PRKCI: variants seen among roughly 807,000 people sequenced by gnomAD.
PRKCI encodes protein kinase C iota type.
In PRKCI, 43 loss-of-function variants were observed where a neutral mutation model predicts 84.0. That is an observed-to-expected ratio of 0.51 (90% CI 0.40 to 0.66). PRKCI has a LOEUF of 0.66. Among genes scored for constraint, PRKCI ranks in the 30% least tolerant of loss-of-function variants. PRKCI has a pLI of 0.00. For synonymous variants in PRKCI, 216 were observed against 234.4 expected, an observed-to-expected ratio of 0.92 and a Z score of 0.72; for missense variants, 459 against 745.6, an observed-to-expected ratio of 0.62 and a Z score of 4.48.
At chr3:170,303,000 C>A in intron 17 of PRKCI, 40 bp from the exon 18 acceptor site, 1 of 1,413,610 alleles carries the variant, frequency 7.1e-7, no homozygotes, top group Non-Finnish European at 9.8e-7. Context: ...TTGAAGAAAT[C>A]TTGATTATGA....
At chr3:170,240,216 A>T (rs1387541250) in intron 2 of PRKCI, among the ~76,000 whole-genome samples, 1 of 152,210 alleles carries the variant, frequency 6.6e-6, no homozygotes, top group African/African-American at 2.4e-5. Context: ...AGAGGCTAGC[A>T]ACAAGCCTTT....
intron 1 of PRKCI, among the ~76,000 whole-genome samples, chr3:170,226,982 G>A (rs565371587): frequency 1.3e-5 from 2 of 152,306 alleles, no homozygotes; most frequent in East Asian, 1.9e-4. Flanking sequence ...TCAGCACTGG[G>A]AACTGAAGCT....
At chr3:170,272,669 G>T (rs771358686) in intron 6 of PRKCI, among the ~76,000 whole-genome samples, 1 of 152,162 alleles carries the variant, frequency 6.6e-6, no homozygotes, top group Non-Finnish European at 1.5e-5. Context: ...TATCATTAAT[G>T]TTCTTTCTCA....
At chr3:170,262,832 C>CTTTTTT (rs748452040) in intron 3 of PRKCI, among the ~76,000 whole-genome samples, 1 of 133,022 alleles carries the variant, frequency 7.5e-6, no homozygotes, top group African/African-American at 2.8e-5. Context: ...TTCTTTCTTT[C>CTTTTTT]TTTTTTTTTT....
chr3:170,259,059 G>T (rs955026755), intron 2 of PRKCI, among the ~76,000 whole-genome samples: 1 of 151,944 alleles, frequency 6.6e-6, no homozygotes, highest in South Asian at 2.1e-4. Flanking sequence ...CAGGAGAATC[G>T]CTTGAACCCA....
chr3:170,241,339 C>T (rs570966129), intron 2 of PRKCI, among the ~76,000 whole-genome samples: 1 of 152,184 alleles, frequency 6.6e-6, no homozygotes, highest in Admixed American at 6.5e-5. Flanking sequence ...CCTCCTTTCT[C>T]TATCTAACCC....
chr3:170,236,809 C>T (rs1279105416), intron 2 of PRKCI, among the ~76,000 whole-genome samples: 1 of 151,162 alleles, frequency 6.6e-6, no homozygotes, highest in Non-Finnish European at 1.5e-5. Context: ...TGAAGATGGG[C>T]CCTGATTGTG....
At chr3:170,267,675 CAAAAAA>C (rs1169448041) in intron 4 of PRKCI, among the ~76,000 whole-genome samples, 1 of 52,980 alleles carries the variant, frequency 1.9e-5, no homozygotes, top group Non-Finnish European at 4.2e-5. Context: ...TCCATCTCAC[CAAAAAA>C]AAAAAAAAAA....
chr3:170,268,429 G>A (rs1330617290), intron 5 of PRKCI, among the ~76,000 whole-genome samples: 3 of 147,828 alleles, frequency 2.0e-5, no homozygotes, highest in East Asian at 4.0e-4. Context: ...GCAGTGAGCC[G>A]AGATTGTGCC....
intron 4 of PRKCI, among the ~76,000 whole-genome samples, chr3:170,265,393 G>C (rs1733834348): frequency 6.6e-6 from 1 of 152,104 alleles, no homozygotes; most frequent in Non-Finnish European, 1.5e-5. Flanking sequence ...TACTATTAAT[G>C]AGATGAACTA....
intron 8 of PRKCI, among the ~76,000 whole-genome samples, chr3:170,278,216 T>C (rs1367216078): frequency 3.3e-5 from 5 of 152,252 alleles, no homozygotes; most frequent in African/African-American, 4.8e-5. Context: ...CACTTGATTC[T>C]CTCTTATAGT....
intron 8 of PRKCI, among the ~76,000 whole-genome samples, chr3:170,277,068 C>T (rs1734132834): frequency 1.4e-5 from 2 of 146,916 alleles, no homozygotes. Flanking sequence ...TAGTGAAACC[C>T]CATGTCTACT....
intron 11 of PRKCI, among the ~76,000 whole-genome samples, chr3:170,283,527 G>A (rs1003578357): frequency 2.6e-5 from 4 of 152,064 alleles, no homozygotes; most frequent in Admixed American, 1.3e-4. Context: ...TTGTTTTGGT[G>A]TTCATTTATG....
In PRKCI at chr3:170,304,878, T is replaced by C. The variant is rs1734916903; in HGVS notation, c.*1751T>C. ...TAAATTTCAAATGTTTTAAAATTTG[T>C]AGGCATTTAATAAATTATCTTTTTT... On this transcript the variant is annotated 3_prime_UTR_variant, in exon 18 of 18. Transcript: ENST00000295797. 1 of 152,206 alleles carries C rather than the reference T, an allele frequency of 6.6e-6. No individual in the cohort carries two copies. The highest frequency in any genetic ancestry group is 1.5e-5 in the Non-Finnish European group (1 of 68,038). 9.4% of individuals were successfully genotyped at this position (152,206 alleles called of 1,614,324 possible).
intron 16 of PRKCI, among the ~76,000 whole-genome samples, chr3:170,298,746 G>A (rs1734748380): frequency 6.6e-6 from 1 of 152,124 alleles, no homozygotes; most frequent in Admixed American, 6.6e-5. Flanking sequence ...TTGCTATGTT[G>A]TCTGGGCTGG....
chr3:170,265,978 T>C (rs1733849443), intron 4 of PRKCI, among the ~76,000 whole-genome samples: 1 of 152,200 alleles, frequency 6.6e-6, no homozygotes, highest in Non-Finnish European at 1.5e-5. Flanking sequence ...GCATTGCAAC[T>C]GGTCTTTAGT....
At chr3:170,262,115 C>T (rs1733742387) in intron 3 of PRKCI, among the ~76,000 whole-genome samples, 1 of 152,056 alleles carries the variant, frequency 6.6e-6, no homozygotes, top group Admixed American at 6.6e-5. Context: ...GAATAGCTGA[C>T]TAGATATTCA....
intron 12 of PRKCI, among the ~76,000 whole-genome samples, chr3:170,290,290 CT>C (rs572926175): frequency 1.7e-3 from 252 of 151,702 alleles, no homozygotes; most frequent in Admixed American, 2.8e-3. Context: ...TGTCTTTAGA[CT>C]TTTTTATTGT....
At chr3:170,297,451 T>C in intron 16 of PRKCI, 58 bp downstream of exon 16, 1 of 1,380,218 alleles carries the variant, frequency 7.2e-7, no homozygotes, top group Non-Finnish European at 1.0e-6. Flanking sequence ...GGCCAATTTT[T>C]TGTTGTTGTT....
Sources: gnomAD v4.1 joint callset for allele counts (sites outside exome capture counted in the v4.1 genomes callset) on GRCh38, gnomAD v4.1.1 for gene constraint, MANE v1.5 for transcripts, NCBI Gene and HGNC (gene_info 2026-07-23, HGNC 2026-07-21) for gene names.